EVI5: variants seen among roughly 807,000 people sequenced by gnomAD.
EVI5 encodes the protein ecotropic viral integration site 5 protein homolog.
EVI5 carries 73 observed loss-of-function variants against 112.0 expected under a neutral mutation model. The ratio of observed to expected loss-of-function variants is 0.65; its 90% confidence interval spans 0.54 to 0.79. The LOEUF is 0.79. Ranked by LOEUF, EVI5 falls within the 30% of genes least tolerant of loss-of-function variation. EVI5 has a pLI of 0.00. For missense variants in EVI5, 900 were observed against 968.8 expected (o/e 0.93, Z 0.94); for synonymous variants, 305 against 319.9 (o/e 0.95, Z 0.50).
intron 16 of EVI5, among the ~76,000 whole-genome samples, chr1:92,618,373 T>C (rs1179796000): frequency 6.6e-6 from 1 of 152,162 alleles, no homozygotes; most frequent in East Asian, 1.9e-4. Context: ...AAGTTAAGAT[T>C]GCCACCTGGA....
chr1:92,522,606 G>A (rs1013806857), intron 19 of EVI5, among the ~76,000 whole-genome samples: 1 of 113,150 alleles, frequency 8.8e-6, no homozygotes, highest in South Asian at 3.1e-4. Flanking sequence ...ACTCCAGCCT[G>A]GGTGACAGAG....
At position 92,665,998 on chromosome 1, in the gene EVI5, A is replaced by T; in HGVS notation, c.1159-6T>A. 1 of 1,587,670 alleles carries T rather than the reference A, an allele frequency of 6.3e-7. No homozygotes were observed. On this transcript the variant is annotated splice_region_variant and splice_polypyrimidine_tract_variant and intron_variant, in intron 10 of 19. Transcript: ENST00000684568. ...CTATTTTCTGTGCGTAACCTCTGCC[A>T]AGAAAAAAAAAGTTTTATTTGCAAG...
intron 5 of EVI5, chr1:92,700,993 T>C (rs957214012): frequency 3.9e-5 from 6 of 152,226 alleles, no homozygotes; most frequent in South Asian, 4.1e-4. Context: ...TAGTTTTGCA[T>C]TGTATTATTT....
chr1:92,636,652 G>A (rs1001612564), intron 13 of EVI5, among the ~76,000 whole-genome samples: 7 of 152,084 alleles, frequency 4.6e-5, no homozygotes, highest in African/African-American at 1.7e-4. Flanking sequence ...AATTTTTTCT[G>A]ACTTTACAGA....
chr1:92,777,860 G>C (rs1364208688), intron 1 of EVI5, among the ~76,000 whole-genome samples: 1 of 151,652 alleles, frequency 6.6e-6, no homozygotes, highest in African/African-American at 2.4e-5. Flanking sequence ...ACAAAATTTT[G>C]GAAGCTGGAA....
At chr1:92,527,754 CCTGTTACT>C (rs1017174357) in intron 19 of EVI5, among the ~76,000 whole-genome samples, 1 of 152,160 alleles carries the variant, frequency 6.6e-6, no homozygotes, top group Non-Finnish European at 1.5e-5. Context: ...GTTTCTGTAT[CCTGTTACT>C]CAGCATTGTC....
rs186335169 is a variant in EVI5 at position 92,769,957 on chromosome 1, A to T, written c.-82+14879T>A. On this transcript the variant is annotated intron_variant, in intron 1 of 19. Transcript: ENST00000684568. Reference sequence around the variant, plus strand: ...TCTGGGTTGTGACTGATATAATCACATAAGTCTTTATGAGAGAGAAAACAA... The same window carrying T: ...TCTGGGTTGTGACTGATATAATCACTTAAGTCTTTATGAGAGAGAAAACAA... Among the ~76,000 whole-genome samples the T allele has an allele frequency of 1.2e-3, 187 of 152,354 alleles. 1 individual carries two copies. The highest frequency in any genetic ancestry group is 4.4e-3 in the African/African-American group (184 of 41,578).
intron 19 of EVI5, among the ~76,000 whole-genome samples, chr1:92,554,385 T>C (rs1667392512): frequency 6.6e-6 from 1 of 152,200 alleles, no homozygotes; most frequent in African/African-American, 2.4e-5. Flanking sequence ...ATGAGTTCCA[T>C]CTCAGCTACG....
Position 92,756,338 on chromosome 1 carries a change from C to T in EVI5, c.-81-19711G>A, listed in dbSNP as rs146484906. 64 of 494,544 alleles carry T rather than the reference C, an allele frequency of 1.3e-4. No individual in the cohort carries two copies. In the East Asian group the frequency reaches 2.1e-3, roughly 16 times the overall value. The allele number at this position is 494,544 out of a possible 1,614,324, so 30.6% of individuals were successfully genotyped here. ...AACGATTTGCCTGGAAAAGATTAAA[C>T]ACTACACAGCCAAATATGCAGATTT... On this transcript the variant is annotated intron_variant, in intron 1 of 19. Transcript: ENST00000684568.
At chr1:92,532,999 CTTTTT>C (rs151026642) in intron 19 of EVI5, among the ~76,000 whole-genome samples, 1 of 140,424 alleles carries the variant, frequency 7.1e-6, no homozygotes, top group African/African-American at 2.6e-5. Context: ...AATCTAGGAA[CTTTTT>C]TTTTTTTTTG....
At chr1:92,765,450 T>C (rs141563987) in intron 1 of EVI5, among the ~76,000 whole-genome samples, 1,572 of 151,472 alleles carry the variant, frequency 0.01, 13 homozygotes, top group Non-Finnish European at 0.017. Flanking sequence ...AGTACTGTTA[T>C]AGGCACTACA....
At chr1:92,672,155 A>G (rs1245178217) in intron 10 of EVI5, among the ~76,000 whole-genome samples, 1 of 152,128 alleles carries the variant, frequency 6.6e-6, no homozygotes, top group Non-Finnish European at 1.5e-5. Context: ...ATCAGCGTTC[A>G]TCAGAAATGC....
upstream of EVI5, among the ~76,000 whole-genome samples, chr1:92,787,752 AAG>A (rs941827035): frequency 9.2e-5 from 14 of 151,870 alleles, no homozygotes; most frequent in East Asian, 2.7e-3. Context: ...AAAAAAAAAA[AAG>A]AGAGAGAAAG....
intron 1 of EVI5, among the ~76,000 whole-genome samples, chr1:92,782,194 G>A (rs1195957227): frequency 6.8e-6 from 1 of 147,648 alleles, no homozygotes; most frequent in African/African-American, 2.5e-5. Context: ...GGGAGGCGAG[G>A]GTGCAGTGAG....
chr1:92,677,657 T>TAGACA (rs1191839038), intron 9 of EVI5, among the ~76,000 whole-genome samples: 1 of 152,124 alleles, frequency 6.6e-6, no homozygotes, highest in Non-Finnish European at 1.5e-5. Flanking sequence ...TTCCAATTAA[T>TAGACA]AGACATAGGA....
At chr1:92,785,569 T>C (rs553713621), upstream of EVI5, among the ~76,000 whole-genome samples, 2 of 152,324 alleles carry the variant, frequency 1.3e-5, no homozygotes, top group South Asian at 2.1e-4. Context: ...TAATGTACTC[T>C]TACACGTGTC....
At chr1:92,642,369 A>C (rs942726450) in intron 13 of EVI5, among the ~76,000 whole-genome samples, 4 of 152,234 alleles carry the variant, frequency 2.6e-5, no homozygotes. Context: ...TTATCTTTAG[A>C]CTAAGGTCAA....
chr1:92,594,542 C>T (rs1473270661), intron 18 of EVI5, among the ~76,000 whole-genome samples: 1 of 150,432 alleles, frequency 6.6e-6, no homozygotes, highest in African/African-American at 2.5e-5. Flanking sequence ...AAAGCAATGG[C>T]AACAAAAGCC....
intron 16 of EVI5, among the ~76,000 whole-genome samples, chr1:92,616,945 G>A (rs1653324052): frequency 6.6e-6 from 1 of 152,158 alleles, no homozygotes; most frequent in South Asian, 2.1e-4. Context: ...GGTCCTGAAG[G>A]GACAAGTAAG....
Sources: allele counts gnomAD v4.1 joint callset (sites outside exome capture counted in the v4.1 genomes callset), GRCh38; gene constraint gnomAD v4.1.1; transcripts MANE v1.5; gene names NCBI Gene and HGNC (gene_info 2026-07-23, HGNC 2026-07-21).